The following RCAN2 variants were observed in gnomAD, a reference collection of about 807,000 sequenced individuals.
RCAN2 encodes the protein calcipressin-2.
RCAN2 carries 9 observed loss-of-function variants against 23.6 expected under a neutral mutation model. That is an observed-to-expected ratio of 0.38 (90% CI 0.23 to 0.67). The LOEUF (loss-of-function observed/expected upper bound fraction) is 0.67, where lower values mean the gene tolerates loss of function less well. RCAN2 is among the 30% of genes least tolerant of loss of function. The pLI is 0.51. For missense variants in RCAN2, 273 were observed against 302.3 expected, an observed-to-expected ratio of 0.90 and a Z score of 0.72; for synonymous variants, 109 against 115.7, an observed-to-expected ratio of 0.94 and a Z score of 0.37.
chr6:46,230,346 T>G (rs1329450741), intron 4 of RCAN2, among the ~76,000 whole-genome samples: 1 of 152,196 alleles, frequency 6.6e-6, no homozygotes, highest in Non-Finnish European at 1.5e-5. Context: ...TCTGCTGCCT[T>G]TTGTTCAGCT....
intron 2 of RCAN2, among the ~76,000 whole-genome samples, chr6:46,449,717 C>T (rs1436853513): frequency 6.6e-6 from 1 of 151,488 alleles, no homozygotes; most frequent in East Asian, 1.9e-4. Flanking sequence ...GAACACACAA[C>T]GAAGAAAAAA....
At chr6:46,300,206 T>C (rs1762862346) in intron 2 of RCAN2, among the ~76,000 whole-genome samples, 3 of 151,860 alleles carry the variant, frequency 2.0e-5, no homozygotes, top group African/African-American at 7.2e-5. Context: ...TTTAATCCAA[T>C]CATACCAATA....
intron 2 of RCAN2, among the ~76,000 whole-genome samples, chr6:46,441,989 C>T (rs1767560783): frequency 6.6e-6 from 1 of 152,164 alleles, no homozygotes; most frequent in African/African-American, 2.4e-5. Flanking sequence ...GTCAGGCCTG[C>T]TGTGATGGTT....
At chr6:46,326,748 T>G (rs1401480936) in intron 2 of RCAN2, among the ~76,000 whole-genome samples, 1 of 152,190 alleles carries the variant, frequency 6.6e-6, no homozygotes, top group Non-Finnish European at 1.5e-5. Context: ...TTATAACAGA[T>G]TGGTACTTTT....
At chr6:46,448,119 G>C (rs1480538597) in intron 2 of RCAN2, among the ~76,000 whole-genome samples, 1 of 151,420 alleles carries the variant, frequency 6.6e-6, no homozygotes, top group Non-Finnish European at 1.5e-5. Flanking sequence ...AATCTGAGAA[G>C]ACTCAAATAA....
intron 2 of RCAN2, among the ~76,000 whole-genome samples, chr6:46,335,191 T>G (rs946539709): frequency 6.6e-6 from 1 of 152,186 alleles, no homozygotes; most frequent in Non-Finnish European, 1.5e-5. Flanking sequence ...GCTGTGTTTT[T>G]CTCTTGTGCC....
intron 2 of RCAN2, among the ~76,000 whole-genome samples, chr6:46,327,925 A>G (rs1378313777): frequency 6.6e-6 from 1 of 152,230 alleles, no homozygotes; most frequent in Non-Finnish European, 1.5e-5. Context: ...ATGCCATATC[A>G]GTGACAGTTC....
intron 2 of RCAN2, among the ~76,000 whole-genome samples, chr6:46,280,763 C>T (rs1767880079): frequency 6.6e-6 from 1 of 152,102 alleles, no homozygotes; most frequent in Non-Finnish European, 1.5e-5. Context: ...TTCTCCTCTT[C>T]AATAAAGAAG....
rs1766531060 is a variant in RCAN2, at chr6:46,246,857, C to T, written c.462G>A (p.Gln154=). The part of the protein sequence containing the change: ...LHLAPPQPAK[Q]FLISPPSSPP... ...GGGAGGAAGGGGGCGAGATGAGAAA[C>T]TGTTTGGCAGGCTGGGGTGGAGCCA... is the stretch of plus-strand genomic sequence containing the variant. The change falls in exon 4 of 5, where the codon CAG becomes CAA. Residue 154 remains glutamine (Q), a synonymous_variant. Transcript: ENST00000371374. 1.9e-6 allele frequency: 3 copies of T among 1,611,982 alleles called. No homozygotes were observed. Among genetic ancestry groups the T allele is most frequent in the Non-Finnish European group, 2.5e-6 (3 of 1,179,078 alleles).
chr6:46,304,143 G>A (rs1341387234), intron 2 of RCAN2, among the ~76,000 whole-genome samples: 1 of 152,044 alleles, frequency 6.6e-6, no homozygotes, highest in Non-Finnish European at 1.5e-5. Flanking sequence ...CACCCTGTTG[G>A]GTGTGTAATG....
intron 2 of RCAN2, among the ~76,000 whole-genome samples, chr6:46,350,405 T>G (rs972722438): frequency 6.6e-6 from 1 of 152,112 alleles, no homozygotes; most frequent in African/African-American, 2.4e-5. Context: ...GAGAGTAGCT[T>G]AGATGGGGGC....
At chr6:46,281,540 T>C (rs1416605289) in intron 2 of RCAN2, among the ~76,000 whole-genome samples, 1 of 152,244 alleles carries the variant, frequency 6.6e-6, no homozygotes, top group African/African-American at 2.4e-5. Context: ...ATTTGAATTA[T>C]TTAATCAGAG....
At chr6:46,468,464 G>C (rs912590754) in intron 1 of RCAN2, among the ~76,000 whole-genome samples, 3 of 152,128 alleles carry the variant, frequency 2.0e-5, no homozygotes, top group Non-Finnish European at 4.4e-5. Context: ...GGGTACTTCA[G>C]AGTGAGGTCC....
intron 4 of RCAN2, among the ~76,000 whole-genome samples, chr6:46,236,642 TG>T: frequency 6.6e-6 from 1 of 152,368 alleles, no homozygotes; most frequent in East Asian, 1.9e-4. Context: ...GCATCACGCT[TG>T]GTCATTACTA....
chr6:46,345,416 C>T (rs915343840), intron 2 of RCAN2, among the ~76,000 whole-genome samples: 6 of 152,050 alleles, frequency 3.9e-5, no homozygotes, highest in African/African-American at 9.7e-5. Flanking sequence ...TTATAGAACA[C>T]GGTATCCAAC....
At chr6:46,341,458 C>A (rs913280228) in intron 2 of RCAN2, among the ~76,000 whole-genome samples, 6 of 152,126 alleles carry the variant, frequency 3.9e-5, no homozygotes, top group African/African-American at 1.4e-4. Flanking sequence ...TTGTGTTGGG[C>A]CAAATTCAAA....
chr6:46,247,342 T>C (rs1206963739), intron 3 of RCAN2, among the ~76,000 whole-genome samples: 1 of 152,188 alleles, frequency 6.6e-6, no homozygotes, highest in Non-Finnish European at 1.5e-5. Context: ...TTGGTGAAAT[T>C]CACATAACAT....
At chr6:46,423,203 G>A (rs1766931983) in intron 2 of RCAN2, among the ~76,000 whole-genome samples, 1 of 152,296 alleles carries the variant, frequency 6.6e-6, no homozygotes, top group Middle Eastern at 3.4e-3. Flanking sequence ...ATCAGCCTAA[G>A]AAAGGACTCT....
chr6:46,258,943 G>A (rs1767016679), intron 2 of RCAN2, among the ~76,000 whole-genome samples: 1 of 152,142 alleles, frequency 6.6e-6, no homozygotes, highest in Admixed American at 6.5e-5. Flanking sequence ...GGCAGAGCGG[G>A]GGTGAATCCA....
Sources: gnomAD v4.1 joint callset for allele counts (sites outside exome capture counted in the v4.1 genomes callset) on GRCh38, gnomAD v4.1.1 for gene constraint, MANE v1.5 for transcripts, NCBI Gene and HGNC (gene_info 2026-07-23, HGNC 2026-07-21) for gene names.